EYA1: variants seen among roughly 807,000 people sequenced by gnomAD.
EYA1 encodes the protein protein phosphatase EYA1.
A neutral mutation model predicts 82.0 loss-of-function variants in EYA1; 16 were observed. The observed-to-expected ratio is 0.20, with a 90% CI of 0.13 to 0.30. The LOEUF (loss-of-function observed/expected upper bound fraction) is 0.30, where lower values mean the gene tolerates loss of function less well. EYA1 is among the 10% of genes least tolerant of loss of function. EYA1 has a pLI of 1.00. For missense variants in EYA1, 633 were observed against 730.7 expected (o/e 0.87, Z 1.54); for synonymous variants, 261 against 264.4 (o/e 0.99, Z 0.12).
At chr8:71,446,557 A>G (rs954429499) in intron 2 of EYA1, among the ~76,000 whole-genome samples, 1 of 152,194 alleles carries the variant, frequency 6.6e-6, no homozygotes, top group Non-Finnish European at 1.5e-5. Context: ...TTACCTCAAG[A>G]AATTCCACTA....
chr8:71,202,612 GC>G lies in EYA1; in HGVS notation c.1699-3193del, dbSNP rs1807189985. On this transcript the variant is annotated intron_variant, in intron 17 of 17. Transcript: ENST00000340726. Reference sequence around the variant, plus strand: ...ACTCATCACAATGCAGTGGGGATGGGCCATTCATTTGGGCAGAAGAGCCAAA... The same window carrying G: ...ACTCATCACAATGCAGTGGGGATGGGCATTCATTTGGGCAGAAGAGCCAAA... Among the ~76,000 whole-genome samples, 2 of 152,160 alleles carry G rather than the reference GC, an allele frequency of 1.3e-5. 1 individual carries two copies. The highest frequency in any genetic ancestry group is 4.1e-4 in the South Asian group (2 of 4,820).
chr8:71,382,486 T>C (rs1391423373), intron 2 of EYA1, among the ~76,000 whole-genome samples: 2 of 152,060 alleles, frequency 1.3e-5, no homozygotes, highest in Admixed American at 6.6e-5. Flanking sequence ...TTTAATTTTA[T>C]ATTCACTTCA....
rs1425598994 is a variant in EYA1, at chr8:71,214,542, T to C, written c.1597+845A>G. On this transcript the variant is annotated intron_variant, in intron 16 of 17. Transcript: ENST00000340726. ...ATGTGCACATTCAAGCACTTAGCAA[T>C]AGGACCCTGTAGGATACAGCAAGGG... Among the ~76,000 whole-genome samples, 3 of 152,326 alleles carry C rather than the reference T, an allele frequency of 2.0e-5. No homozygotes were observed. The East Asian group carries it at 5.8e-4, about 29-fold the overall frequency.
chr8:71,294,666 A>G (rs923607692), intron 9 of EYA1, among the ~76,000 whole-genome samples: 4 of 152,208 alleles, frequency 2.6e-5, no homozygotes, highest in African/African-American at 7.2e-5. Context: ...GTTTGTCCCA[A>G]TTTGATCTAT....
intron 1 of EYA1, among the ~76,000 whole-genome samples, chr8:71,544,528 GC>G (rs1815400830): frequency 6.6e-6 from 1 of 152,116 alleles, no homozygotes; most frequent in Admixed American, 6.5e-5. Flanking sequence ...AATCATCAAA[GC>G]CCTCTTCTCT....
intron 11 of EYA1, among the ~76,000 whole-genome samples, chr8:71,257,501 T>C (rs928429902): frequency 2.0e-5 from 3 of 152,206 alleles, no homozygotes; most frequent in Admixed American, 2.0e-4. Context: ...AAAAACATTT[T>C]AAAGGCCATA....
intron 2 of EYA1, among the ~76,000 whole-genome samples, chr8:71,453,082 G>C (rs1807529607): frequency 6.6e-6 from 1 of 152,218 alleles, no homozygotes. Context: ...TAAATGGCCT[G>C]ATGGAGCTGA....
intron 2 of EYA1, among the ~76,000 whole-genome samples, chr8:71,405,897 G>A (rs1315822998): frequency 6.6e-6 from 1 of 151,862 alleles, no homozygotes. Flanking sequence ...AATTGCATTC[G>A]CCTCTCAAAT....
chr8:71,341,366 T>C (rs1825108141), intron 3 of EYA1, among the ~76,000 whole-genome samples: 1 of 152,088 alleles, frequency 6.6e-6, no homozygotes, highest in African/African-American at 2.4e-5. Flanking sequence ...ATTTCATGAG[T>C]CTCTTTCTCA....
chr8:71,531,399 TA>T (rs1412984349), intron 2 of EYA1: 1 of 152,188 alleles, frequency 6.6e-6, no homozygotes, highest in Non-Finnish European at 1.5e-5. Context: ...ACTTCAAGTC[TA>T]AAATGTAGTT....
intron 2 of EYA1, among the ~76,000 whole-genome samples, chr8:71,475,065 G>A (rs144902916): frequency 6.6e-6 from 1 of 152,156 alleles, no homozygotes; most frequent in Admixed American, 6.6e-5. Context: ...CTGGGATGCA[G>A]AGGTTTCAGT....
chr8:71,484,854 G>A (rs547727304), intron 2 of EYA1, among the ~76,000 whole-genome samples: 1 of 152,226 alleles, frequency 6.6e-6, no homozygotes, highest in Non-Finnish European at 1.5e-5. Flanking sequence ...CATGGGCCTT[G>A]GCTCCAGACT....
chr8:71,206,760 C>T (rs1046845863), intron 17 of EYA1, among the ~76,000 whole-genome samples: 1 of 151,792 alleles, frequency 6.6e-6, no homozygotes, highest in Non-Finnish European at 1.5e-5. Context: ...TAATTGGTAG[C>T]ATTTTTTTTC....
At chr8:71,328,510 C>T (rs1823426431) in intron 4 of EYA1, among the ~76,000 whole-genome samples, 1 of 152,196 alleles carries the variant, frequency 6.6e-6, no homozygotes, top group Non-Finnish European at 1.5e-5. Flanking sequence ...CCTTCACCTT[C>T]AGCTAAGCCC....
chr8:71,440,685 T>C (rs1349636182), intron 2 of EYA1, among the ~76,000 whole-genome samples: 1 of 152,180 alleles, frequency 6.6e-6, no homozygotes, highest in Non-Finnish European at 1.5e-5. Context: ...TTGGAGCCCA[T>C]ACGTCAAGTT....
At chr8:71,546,565 A>T (rs1252151616) in intron 1 of EYA1, among the ~76,000 whole-genome samples, 1 of 151,066 alleles carries the variant, frequency 6.6e-6, no homozygotes, top group Non-Finnish European at 1.5e-5. Context: ...CAGTGGCGCA[A>T]TCTCGGCTCA....
intron 2 of EYA1, among the ~76,000 whole-genome samples, chr8:71,493,724 C>T (rs1385330072): frequency 6.6e-6 from 1 of 151,566 alleles, no homozygotes; most frequent in Non-Finnish European, 1.5e-5. Flanking sequence ...AATACTGAAT[C>T]ATTTTAAGAG....
At chr8:71,452,973 G>T (rs1403700408) in intron 2 of EYA1, among the ~76,000 whole-genome samples, 2 of 152,178 alleles carry the variant, frequency 1.3e-5, no homozygotes, top group Non-Finnish European at 2.9e-5. Flanking sequence ...ACTTCTCTGA[G>T]CTAAAGGAGG....
chr8:71,354,049 C>T lies in EYA1; in HGVS notation c.124+733G>A, dbSNP rs551387502. ...GCATAGTACCTAAATGACTGTATAA[C>T]AGGTAGCAAAAATACATATAACCTT... On this transcript the variant is annotated intron_variant, in intron 3 of 17. Transcript: ENST00000340726. Among the ~76,000 whole-genome samples, 38 of 152,130 alleles carry T rather than the reference C, an allele frequency of 2.5e-4. 1 individual carries two copies. Among genetic ancestry groups the T allele is most frequent in the African/African-American group, 9.1e-4 (38 of 41,536 alleles).
Sources: gnomAD v4.1 joint callset for allele counts (sites outside exome capture counted in the v4.1 genomes callset) on GRCh38, gnomAD v4.1.1 for gene constraint, MANE v1.5 for transcripts, NCBI Gene and HGNC (gene_info 2026-07-23, HGNC 2026-07-21) for gene names.